GRHPR: variants seen among roughly 807,000 people sequenced by gnomAD.
GRHPR encodes the protein glyoxylate and hydroxypyruvate reductase.
Under a neutral mutation model 36.8 loss-of-function variants are expected in GRHPR, and 35 were observed. The observed-to-expected ratio is 0.95, with a 90% confidence interval of 0.73 to 1.26. The LOEUF is 1.26. Ranked by LOEUF, GRHPR falls within the 50% of genes most tolerant of loss-of-function variation. The pLI, the probability that GRHPR is intolerant of heterozygous loss-of-function variation, is 0.00. For synonymous variants in GRHPR, 179 were observed against 181.0 expected (o/e 0.99, Z 0.09); for missense variants, 380 against 435.0 (o/e 0.87, Z 1.12).
At chr9:37,437,423 G>C (rs1823725658), downstream of GRHPR, among the ~76,000 whole-genome samples, 1 of 151,948 alleles carries the variant, frequency 6.6e-6, no homozygotes, top group African/African-American at 2.4e-5. Context: ...TCCTTCACTT[G>C]TCCCTCACCA....
At chr9:37,432,383 T>TAA in intron 8 of GRHPR, 1 of 432,686 alleles carries the variant, frequency 2.3e-6, no homozygotes, top group Admixed American at 3.3e-5. Context: ...TGGATTTGTT[T>TAA]AAAAAAAAAG....
At position 37,426,114 on chromosome 9, in the gene GRHPR, C is replaced by T. The variant is rs958711204; in HGVS notation, c.287+120C>T. Reference sequence around the variant, plus strand: ...GCCATTCAGGGAGAATGTGAGGTGGCTGATGATAGAATCTGTCCACATGTG... The same window carrying T: ...GCCATTCAGGGAGAATGTGAGGTGGTTGATGATAGAATCTGTCCACATGTG... On this transcript the variant is annotated intron_variant, in intron 3 of 8. Coordinates refer to ENST00000318158, the MANE Select transcript of GRHPR (RefSeq NM_012203.2). 31 of 750,880 alleles carry T rather than the reference C, an allele frequency of 4.1e-5. No homozygotes were observed. The South Asian group carries it at 4.4e-4, about 11-fold the overall frequency. The allele number at this position is 750,880 out of a possible 1,614,324, so 46.5% of individuals were successfully genotyped here. A position where few individuals can be genotyped will look rare whatever the true frequency, so the allele number is the denominator to read the frequency against.
chr9:37,427,838 C>CAA (rs1157647918), intron 4 of GRHPR: 33 of 86,530 alleles, frequency 3.8e-4, no homozygotes, highest in East Asian at 9.0e-4. Context: ...ACCCTGTCTC[C>CAA]AAAAAAAAAA....
intron 5 of GRHPR, chr9:37,429,093 G>A: frequency 3.4e-6 from 1 of 294,942 alleles, no homozygotes; most frequent in South Asian, 3.3e-5. Context: ...TCTATTGGTG[G>A]TTCTCTGTCA....
chr9:37,431,957 G>T, intron 7 of GRHPR, 51 bp from the exon 8 acceptor site: 3 of 1,607,564 alleles, frequency 1.9e-6, no homozygotes, highest in Non-Finnish European at 2.6e-6. Flanking sequence ...CTCAAAGGTG[G>T]CCTGGGCGGA....
intron 6 of GRHPR, chr9:37,430,283 C>A: frequency 1.6e-6 from 1 of 621,546 alleles, no homozygotes; most frequent in Non-Finnish European, 2.9e-6. Context: ...ATTCCCCACG[C>A]CCCTGGGCAC....
At chr9:37,429,384 C>A in intron 5 of GRHPR, 1 of 377,448 alleles carries the variant, frequency 2.6e-6, no homozygotes, top group Non-Finnish European at 5.1e-6. Context: ...AAGGAGGGGA[C>A]TGCTTGACCA....
At chr9:37,433,883 TA>T (rs2118899517) in intron 8 of GRHPR, 1 of 396,256 alleles carries the variant, frequency 2.5e-6, no homozygotes, top group Non-Finnish European at 4.4e-6. Flanking sequence ...AATGGAAACC[TA>T]AACAAAAGGT....
At chr9:37,429,567 A>G in intron 5 of GRHPR, 165 bp from the exon 6 acceptor site, 1 of 710,390 alleles carries the variant, frequency 1.4e-6, no homozygotes, top group East Asian at 2.6e-5. Flanking sequence ...GGCTAGTTAC[A>G]GTGGGGCAGC....
chr9:37,431,711 G>C, intron 7 of GRHPR: 1 of 366,866 alleles, frequency 2.7e-6, no homozygotes, highest in South Asian at 2.3e-5. Context: ...CTCCCAACAT[G>C]CCTGGGAGTT....
chr9:37,436,557 C>G (rs2118914375), intron 8 of GRHPR, 104 bp from the exon 9 acceptor site: 3 of 1,238,984 alleles, frequency 2.4e-6, no homozygotes, highest in South Asian at 2.4e-5. Context: ...GAGGTAGTCT[C>G]TCTTTATTCT....
chr9:37,425,740 TC>T, intron 2 of GRHPR, among the ~76,000 whole-genome samples, 181 bp from the exon 3 acceptor site: 1 of 152,284 alleles, frequency 6.6e-6, no homozygotes, highest in African/African-American at 2.4e-5. Flanking sequence ...CCACTTAACC[TC>T]CCTGAACTGC....
chr9:37,437,684 G>A (rs1823736880), downstream of GRHPR, among the ~76,000 whole-genome samples: 3 of 59,674 alleles, frequency 5.0e-5, no homozygotes, highest in South Asian at 1.9e-3. Context: ...GCCCCCAGGT[G>A]GATTTTTTTT....
chr9:37,438,102 T>C (rs1213152095), downstream of GRHPR: 1 of 152,300 alleles, frequency 6.6e-6, no homozygotes, highest in Admixed American at 6.5e-5. Flanking sequence ...AGAACACATA[T>C]TTAGAGGCAT....
intron 6 of GRHPR, 97 bp downstream of exon 6, chr9:37,429,933 C>A: frequency 1.3e-6 from 1 of 773,308 alleles, no homozygotes; most frequent in South Asian, 1.4e-5. Context: ...AGGGCAGGAG[C>A]TCCAGGCATG....
At chr9:37,428,285 A>G (rs575839142) in intron 4 of GRHPR, 199 bp from the exon 5 acceptor site, 14 of 619,422 alleles carry the variant, frequency 2.3e-5, no homozygotes, top group East Asian at 1.6e-4. Flanking sequence ...CTCAAGTTCT[A>G]TGTCTCTGGT....
At chr9:37,422,691 CA>C (rs1233630060), upstream of GRHPR, 9 of 1,336,788 alleles carry the variant, frequency 6.7e-6, no homozygotes, top group Middle Eastern at 2.5e-4. Context: ...CGCCCCGGCC[CA>C]GCTACATTCC....
intron 1 of GRHPR, 85 bp from the exon 2 acceptor site, chr9:37,424,760 C>T (rs747800952): frequency 8.5e-6 from 13 of 1,520,964 alleles, no homozygotes; most frequent in Non-Finnish European, 1.2e-5. Context: ...AGGCCAGGGC[C>T]ATCAGAGGCC....
At chr9:37,432,165 C>CTCCCTGCT in intron 8 of GRHPR, 27 bp downstream of exon 8, 1 of 1,612,368 alleles carries the variant, frequency 6.2e-7, no homozygotes, top group Non-Finnish European at 8.5e-7. Flanking sequence ...CTGATGCAAA[C>CTCCCTGCT]TCCCTGCTGC....
Sources: gnomAD v4.1 joint callset for allele counts (sites outside exome capture counted in the v4.1 genomes callset) on GRCh38, gnomAD v4.1.1 for gene constraint, MANE v1.5 for transcripts, NCBI Gene and HGNC (gene_info 2026-07-23, HGNC 2026-07-21) for gene names.